Variants in EEFSEC observed in about 807,000 individuals in gnomAD.
EEFSEC encodes the protein selenocysteine-specific elongation factor.
EEFSEC carries 43 observed loss-of-function variants against 42.1 expected under a neutral mutation model. The ratio of observed to expected loss-of-function variants is 1.02; its 90% confidence interval spans 0.80 to 1.32. EEFSEC has a LOEUF of 1.32. Ranked by LOEUF, EEFSEC falls within the 40% of genes most tolerant of loss-of-function variation. The probability of loss-of-function intolerance (pLI) is 0.00; values close to 1 mark genes in which losing one functional copy is unlikely to be tolerated. For synonymous variants in EEFSEC, 354 were observed against 339.1 expected, an observed-to-expected ratio of 1.04 and a Z score of -0.48; for missense variants, 745 against 803.6, an observed-to-expected ratio of 0.93 and a Z score of 0.88.
chr3:128,399,555 T>G (rs983353889), intron 6 of EEFSEC, among the ~76,000 whole-genome samples: 11 of 152,012 alleles, frequency 7.2e-5, no homozygotes, highest in Non-Finnish European at 1.5e-4. Context: ...ACGGGATCCA[T>G]AGCTGGGAGG....
At chr3:128,349,041 T>C (rs186204086) in intron 5 of EEFSEC, among the ~76,000 whole-genome samples, 33 of 151,966 alleles carry the variant, frequency 2.2e-4, no homozygotes, top group Non-Finnish European at 4.6e-4. Flanking sequence ...GACTGGAAGG[T>C]TCACTGCACA....
intron 1 of EEFSEC, among the ~76,000 whole-genome samples, chr3:128,195,060 C>T (rs1464854708): frequency 2.6e-5 from 4 of 152,126 alleles, no homozygotes; most frequent in Admixed American, 6.5e-5. Flanking sequence ...TTCTCCCACC[C>T]GAGCACTGTG....
intron 4 of EEFSEC, among the ~76,000 whole-genome samples, chr3:128,318,382 G>A (rs947597774): frequency 2.6e-5 from 4 of 152,214 alleles, no homozygotes; most frequent in African/African-American, 9.7e-5. Context: ...CAGAGAGCCA[G>A]GTTGTGCAGT....
At chr3:128,293,638 G>T (rs900290442) in intron 4 of EEFSEC, among the ~76,000 whole-genome samples, 3 of 124,254 alleles carry the variant, frequency 2.4e-5, no homozygotes, top group African/African-American at 9.9e-5. Flanking sequence ...TCCAGCCTGG[G>T]CGACAAAGCA....
At chr3:128,355,247 A>T (rs2067437939) in intron 5 of EEFSEC, among the ~76,000 whole-genome samples, 1 of 152,162 alleles carries the variant, frequency 6.6e-6, no homozygotes, top group Admixed American at 6.5e-5. Context: ...CAGGGATAAG[A>T]CATAGTGGCC....
At position 128,209,426 on chromosome 3, in the gene EEFSEC, G is replaced by T. The variant is rs1475135204; in HGVS notation, c.317-37410G>T. Among the ~76,000 whole-genome samples the T allele has an allele frequency of 2.0e-5, 3 of 152,300 alleles. No homozygotes were observed. In the East Asian group the frequency reaches 5.8e-4, roughly 29 times the overall value. On this transcript the variant is annotated intron_variant, in intron 1 of 6. Transcript: ENST00000254730. ...TAGGAGGGGAAGACAGTGAAGAGAT[G>T]TGGGGAACTTGGATGGTATGGGCCA...
intron 6 of EEFSEC, among the ~76,000 whole-genome samples, chr3:128,368,437 A>C (rs1262664620): frequency 4.7e-5 from 3 of 63,974 alleles, no homozygotes; most frequent in Non-Finnish European, 7.9e-5. Context: ...TCCATCTCCA[A>C]AAAAAACAAA....
chr3:128,277,717 G>T (rs2066483560), intron 4 of EEFSEC, among the ~76,000 whole-genome samples: 1 of 152,218 alleles, frequency 6.6e-6, no homozygotes. Context: ...TGGACTTACT[G>T]CCTGGCAGAC....
intron 4 of EEFSEC, among the ~76,000 whole-genome samples, chr3:128,269,995 G>A (rs567923219): frequency 6.6e-6 from 1 of 152,198 alleles, no homozygotes. Context: ...ACTCAAGGCA[G>A]GCATGTACCA....
chr3:128,229,113 G>A (rs1015507872), intron 1 of EEFSEC, among the ~76,000 whole-genome samples: 2 of 152,210 alleles, frequency 1.3e-5, no homozygotes. Context: ...TAATGTCAGA[G>A]ACTGTTTGGA....
chr3:128,397,100 C>T (rs1272670497), intron 6 of EEFSEC, among the ~76,000 whole-genome samples: 1 of 152,224 alleles, frequency 6.6e-6, no homozygotes, highest in African/African-American at 2.4e-5. Flanking sequence ...AGCCCCACTG[C>T]CCTGGGCCTG....
chr3:128,273,923 G>A (rs1243529560), intron 4 of EEFSEC, among the ~76,000 whole-genome samples: 1 of 152,210 alleles, frequency 6.6e-6, no homozygotes, highest in Non-Finnish European at 1.5e-5. Context: ...CCTGGTGTAA[G>A]CATCTAGAGT....
intron 4 of EEFSEC, among the ~76,000 whole-genome samples, chr3:128,266,845 T>TA (rs2066359566): frequency 6.6e-6 from 1 of 152,086 alleles, no homozygotes; most frequent in African/African-American, 2.4e-5. Context: ...CACAAAAGTG[T>TA]AAAAGTAGAT....
At chr3:128,208,905 C>T (rs1440507988) in intron 1 of EEFSEC, among the ~76,000 whole-genome samples, 3 of 152,172 alleles carry the variant, frequency 2.0e-5, no homozygotes, top group South Asian at 4.1e-4. Flanking sequence ...TTAAACCATA[C>T]GTTGTGAATT....
chr3:128,302,604 T>C (rs1317684836), intron 4 of EEFSEC, among the ~76,000 whole-genome samples: 1 of 151,840 alleles, frequency 6.6e-6, no homozygotes, highest in Non-Finnish European at 1.5e-5. Flanking sequence ...TAATCATTGA[T>C]TTTGTTTTTT....
At chr3:128,270,666 T>A (rs1337431431) in intron 4 of EEFSEC, among the ~76,000 whole-genome samples, 1 of 152,254 alleles carries the variant, frequency 6.6e-6, no homozygotes, top group Admixed American at 6.5e-5. Context: ...TCCATTTTCT[T>A]GCCCAAACAA....
At chr3:128,322,990 C>G (rs562888165) in intron 4 of EEFSEC, among the ~76,000 whole-genome samples, 9 of 152,300 alleles carry the variant, frequency 5.9e-5, no homozygotes, top group African/African-American at 2.2e-4. Flanking sequence ...TTTTCCCATT[C>G]AGAGTATTTG....
intron 3 of EEFSEC, 69 bp from the exon 4 acceptor site, chr3:128,264,547 CT>C: frequency 6.5e-7 from 1 of 1,536,494 alleles, no homozygotes; most frequent in Non-Finnish European, 8.8e-7. Context: ...GCCACATTCT[CT>C]GCCTTCCTCT....
intron 1 of EEFSEC, among the ~76,000 whole-genome samples, chr3:128,196,980 C>G (rs534157976): frequency 6.6e-6 from 1 of 152,216 alleles, no homozygotes; most frequent in African/African-American, 2.4e-5. Flanking sequence ...CAGCCCAGCT[C>G]TGGCCTCGTT....
Sources: allele counts gnomAD v4.1 joint callset (sites outside exome capture counted in the v4.1 genomes callset), GRCh38; gene constraint gnomAD v4.1.1; transcripts MANE v1.5; gene names NCBI Gene and HGNC (gene_info 2026-07-23, HGNC 2026-07-21).